Variants in MSH4 observed in about 807,000 individuals in gnomAD.
The protein encoded by MSH4 is mutS homolog 4, also known as mutS protein homolog 4.
MSH4 carries 106 observed loss-of-function variants against 113.7 expected under a neutral mutation model. The ratio of observed to expected loss-of-function variants is 0.93; its 90% CI spans 0.80 to 1.10. The LOEUF is 1.10. Ranked by LOEUF, MSH4 falls within the 50% of genes least tolerant of loss-of-function variation. The probability of loss-of-function intolerance (pLI) is 0.00; values close to 1 mark genes in which losing one functional copy is unlikely to be tolerated. For missense variants in MSH4, 1,061 were observed against 1,093.7 expected, an observed-to-expected ratio of 0.97 and a Z score of 0.42; for synonymous variants, 368 against 380.2, an observed-to-expected ratio of 0.97 and a Z score of 0.37.
At chr1:75,821,579 G>A (rs887805276) in intron 6 of MSH4, among the ~76,000 whole-genome samples, 5 of 152,118 alleles carry the variant, frequency 3.3e-5, no homozygotes, top group African/African-American at 1.2e-4. Context: ...AGGAAATAGA[G>A]ACACAAAAAT....
At chr1:75,831,378 G>A (rs996400510) in intron 7 of MSH4, among the ~76,000 whole-genome samples, 44 of 151,572 alleles carry the variant, frequency 2.9e-4, no homozygotes, top group Admixed American at 2.3e-3. Context: ...TAGACAGATC[G>A]AGACACAAAC....
chr1:75,824,838 C>T (rs1169665351), intron 7 of MSH4, among the ~76,000 whole-genome samples: 12 of 150,326 alleles, frequency 8.0e-5, no homozygotes, highest in Non-Finnish European at 1.3e-4. Context: ...GTACCAGTAC[C>T]ATACCGTTTT....
chr1:75,885,370 A>G (rs1165543583), intron 15 of MSH4, among the ~76,000 whole-genome samples: 2 of 127,974 alleles, frequency 1.6e-5, no homozygotes, highest in African/African-American at 6.0e-5. Flanking sequence ...GGTATGTAAC[A>G]TTTTGGTTTT....
chr1:75,822,457 A>G lies in MSH4; in HGVS notation c.1038A>G (p.Gly346=), dbSNP rs1650441955. Residue 346 remains glycine (G), a synonymous_variant, in exon 7 of 20, where the codon GGA becomes GGG. Transcript: ENST00000263187. Reference sequence around the variant, plus strand: ...TTCTAAATTATACTAAGACTCCTGGAGGGAGTAGACGACTTCGTTCTAATA... The same window carrying G: ...TTCTAAATTATACTAAGACTCCTGGGGGGAGTAGACGACTTCGTTCTAATA... The part of the protein sequence containing the change: ...FGVLNYTKTP[G]GSRRLRSNIL... 6.3e-7 allele frequency: 1 copy of G among 1,581,882 alleles called. No individual in the cohort carries two copies. The highest frequency in any genetic ancestry group is 8.6e-7 in the Non-Finnish European group (1 of 1,166,138).
chr1:75,841,976 G>T (rs1280913974), intron 7 of MSH4, among the ~76,000 whole-genome samples: 1 of 152,116 alleles, frequency 6.6e-6, no homozygotes, highest in Admixed American at 6.6e-5. Context: ...AGTGACCATG[G>T]CCCATGAACA....
intron 8 of MSH4, among the ~76,000 whole-genome samples, chr1:75,867,019 T>C (rs936233332): frequency 2.0e-5 from 3 of 152,194 alleles, no homozygotes; most frequent in Non-Finnish European, 4.4e-5. Flanking sequence ...AATGTTGATA[T>C]TGCTTTATTT....
At chr1:75,875,285 CATGACAGTA>C (rs1449916850) in intron 9 of MSH4, among the ~76,000 whole-genome samples, 2 of 152,174 alleles carry the variant, frequency 1.3e-5, no homozygotes, top group African/African-American at 4.8e-5. Flanking sequence ...TCAAGGTGAT[CATGACAGTA>C]ATGACGATGA....
At chr1:75,890,014 G>A (rs1652215559) in intron 16 of MSH4, among the ~76,000 whole-genome samples, 1 of 151,910 alleles carries the variant, frequency 6.6e-6, no homozygotes. Flanking sequence ...AATATATTAG[G>A]CACTTAAGGT....
chr1:75,811,089 T>A (rs1371721932), intron 4 of MSH4, among the ~76,000 whole-genome samples: 1 of 152,048 alleles, frequency 6.6e-6, no homozygotes, highest in African/African-American at 2.4e-5. Flanking sequence ...CCAGGCTAGT[T>A]TCAAACTCCT....
chr1:75,820,252 A>G (rs547464729), intron 6 of MSH4, among the ~76,000 whole-genome samples: 1 of 152,356 alleles, frequency 6.6e-6, no homozygotes, highest in South Asian at 2.1e-4. Context: ...CATAAAGTGC[A>G]AGGAGATTCT....
At chr1:75,823,661 G>A (rs1449134037) in intron 7 of MSH4, among the ~76,000 whole-genome samples, 3 of 152,048 alleles carry the variant, frequency 2.0e-5, no homozygotes, top group Non-Finnish European at 4.4e-5. Context: ...AGTGTGTGAT[G>A]TTCCCCTCCC....
intron 18 of MSH4, among the ~76,000 whole-genome samples, chr1:75,899,388 C>G (rs5745542): frequency 0.13 from 19,866 of 152,044 alleles, 1,504 homozygotes; most frequent in East Asian, 0.27. Flanking sequence ...TGAGAGGTAA[C>G]TGATATTCTA....
intron 3 of MSH4, among the ~76,000 whole-genome samples, chr1:75,808,259 T>TA: frequency 6.6e-6 from 1 of 152,326 alleles, no homozygotes; most frequent in African/African-American, 2.4e-5. Context: ...ACCATAGTGA[T>TA]ATGCATTTAT....
intron 6 of MSH4, 92 bp downstream of exon 6, chr1:75,816,638 A>G (rs1354988962): frequency 3.7e-6 from 3 of 801,124 alleles, no homozygotes; most frequent in Non-Finnish European, 5.2e-6. Flanking sequence ...TTCTTTTTTA[A>G]ATTTTGAGAT....
chr1:75,831,654 T>G lies in MSH4; in HGVS notation c.1162+9073T>G, dbSNP rs552726110. Among the ~76,000 whole-genome samples, 281 of 152,262 alleles carry G rather than the reference T, an allele frequency of 1.8e-3. 1 individual carries two copies. The highest frequency in any genetic ancestry group is 4.9e-3 in the Admixed American group (75 of 15,280). Reference sequence around the variant, plus strand: ...ACACACTCAAAACCGTTAAACTACATGGAAACTGAACAACCTGCTCCTGAA... The same window carrying G: ...ACACACTCAAAACCGTTAAACTACAGGGAAACTGAACAACCTGCTCCTGAA... On this transcript the variant is annotated intron_variant, in intron 7 of 19. Transcript: ENST00000263187.
chr1:75,878,812 G>C (rs1054560149), intron 11 of MSH4, among the ~76,000 whole-genome samples, 180 bp from the exon 12 acceptor site: 5 of 146,698 alleles, frequency 3.4e-5, no homozygotes, highest in African/African-American at 9.8e-5. Flanking sequence ...CTGGGCGACA[G>C]AGTGAGATCT....
rs563404261 is a variant in MSH4, at chr1:75,861,829, G to C, written c.1231-5685G>C. 2.0e-5 allele frequency among the ~76,000 whole-genome samples: 3 copies of C among 152,328 alleles called. No individual in the cohort carries two copies. In the East Asian group the frequency reaches 5.8e-4, roughly 29 times the overall value. ...TGTTATGCAGGGACGTTTAAGTCTG[G>C]AGAAGCTGCCTGCTGCCTTTTTTTC... On this transcript the variant is annotated intron_variant, in intron 8 of 19. Coordinates refer to ENST00000263187, the MANE Select transcript of MSH4 (RefSeq NM_002440.4).
chr1:75,873,763 T>TAA lies in MSH4; in HGVS notation c.1306-3172_1306-3171dup, dbSNP rs897100054. ...GATCTTGTTTTTATATATATATATA[T>TAA]AACTGCATAGTATTCCATGATGTAT... On this transcript the variant is annotated intron_variant, in intron 9 of 19. Transcript: ENST00000263187. Among the ~76,000 whole-genome samples, 11 of 152,248 alleles carry TAA rather than the reference T, an allele frequency of 7.2e-5. 1 individual carries two copies. Among genetic ancestry groups the TAA allele is most frequent in the African/African-American group, 2.2e-4 (9 of 41,522 alleles).
At chr1:75,884,060 G>T (rs555635246) in intron 15 of MSH4, among the ~76,000 whole-genome samples, 2 of 151,928 alleles carry the variant, frequency 1.3e-5, no homozygotes, top group East Asian at 1.9e-4. Context: ...CTACAGAATT[G>T]GGAACATTCT....
Sources: gnomAD v4.1 joint callset for allele counts (sites outside exome capture counted in the v4.1 genomes callset) on GRCh38, gnomAD v4.1.1 for gene constraint, MANE v1.5 for transcripts, NCBI Gene and HGNC (gene_info 2026-07-23, HGNC 2026-07-21) for gene names.